The following RTEL1 variants were observed in gnomAD, a reference collection of about 807,000 sequenced individuals.
RTEL1 encodes regulator of telomere length.
RTEL1 carries 86 observed loss-of-function variants against 162.2 expected under a neutral mutation model. The ratio of observed to expected loss-of-function variants is 0.53; its 90% CI spans 0.45 to 0.63. The LOEUF is 0.63. Ranked by LOEUF, RTEL1 falls within the 30% of genes least tolerant of loss-of-function variation. The pLI, the probability that RTEL1 is intolerant of heterozygous loss-of-function variation, is 0.00. For missense variants in RTEL1, 1,941 were observed against 1,750.2 expected (o/e 1.11, Z -1.95); for synonymous variants, 958 against 717.9 (o/e 1.33, Z -5.35).
chr20:63,693,237 C>A lies in RTEL1; in HGVS notation c.2946C>A (p.His982Gln), dbSNP rs769601742. ...TGRGCGYRPE[H>Q]SIPRRQRAQP... ...GAGGCTGTGGCTATCGGCCTGAGCA[C>A]AGCATTCCCCGAAGGCAGCGGGCAC... Residue 982 changes from histidine (H) to glutamine (Q), a missense_variant, in exon 30 of 35, where the codon CAC (histidine) becomes CAA (glutamine). His to Gln is a conservative substitution (Grantham distance 24, BLOSUM62 0). Coordinates refer to ENST00000360203, the MANE Select transcript of RTEL1 (RefSeq NM_001283009.2). 1 of 1,611,930 alleles carries A rather than the reference C, an allele frequency of 6.2e-7. No homozygotes were observed.
rs921362921 is a variant in RTEL1, at chr20:63,681,396, G to A, written c.1191+677G>A. On this transcript the variant is annotated intron_variant, in intron 14 of 34. Coordinates refer to ENST00000360203, the MANE Select transcript of RTEL1 (RefSeq NM_001283009.2). ...GAAGCAGACTCAGAAGTCCCTGACT[G>A]GGGAAGCCAAGGCACAGGTGGCTGT... The A allele has an allele frequency of 3.0e-6, 3 of 985,086 alleles. No homozygotes were observed. The African/African-American group carries it at 5.2e-5, about 17-fold the overall frequency. The allele number at this position is 985,086 out of a possible 1,614,324, so 61.0% of individuals were successfully genotyped here. A position where few individuals can be genotyped will look rare whatever the true frequency, so the allele number is the denominator to read the frequency against.
chr20:63,695,845 C>G lies in RTEL1; in HGVS notation c.3890C>G (p.Pro1297Arg), dbSNP rs778081164. 6.3e-7 allele frequency: 1 copy of G among 1,592,762 alleles called. No homozygotes were observed. The highest frequency in any genetic ancestry group is 8.5e-7 in the Non-Finnish European group (1 of 1,171,380). ...CAGAGCGTCATGCAGGTCTTCTGGC[C>G]AGAGCCCCAGTGAGTGCCCACGGAG... ...RKQSVMQVFW[P>R]EPQ Residue 1297 changes from proline to arginine, a missense_variant, in exon 35 of 35, where the codon CCA becomes CGA. Transcript: ENST00000360203.
Position 63,691,885 on chromosome 20 carries a change from G to C in RTEL1, c.2652+48G>C, listed in dbSNP as rs765101746. On this transcript the variant is annotated intron_variant, in intron 28 of 34. Transcript: ENST00000360203. ...TGTGCCGACCACCATAGACACGCATGGGAACGCAGCCGTGGGTGCCCCCAG... is the reference window on the plus strand; with the variant it reads ...TGTGCCGACCACCATAGACACGCATCGGAACGCAGCCGTGGGTGCCCCCAG... The C allele has an allele frequency of 3.3e-6, 5 of 1,525,276 alleles. No homozygotes were observed. In the South Asian group the frequency reaches 5.6e-5, roughly 17 times the overall value. 94.5% of individuals were successfully genotyped at this position (1,525,276 alleles called of 1,614,324 possible).
At chr20:63,688,962 T>G (rs2090659429) in intron 21 of RTEL1, 93 bp from the exon 22 acceptor site, 16 of 1,148,632 alleles carry the variant, frequency 1.4e-5, no homozygotes, top group Non-Finnish European at 1.8e-5. Context: ...AGGACGATCC[T>G]TCATCTTGGA....
chr20:63,678,743 ACT>A (rs1269770541), intron 12 of RTEL1, among the ~76,000 whole-genome samples: 1 of 104,606 alleles, frequency 9.6e-6, no homozygotes, highest in Non-Finnish European at 1.9e-5. Context: ...AACGGCACAC[ACT>A]CCCACGGAAC....
At chr20:63,659,095 C>T (rs2089967237) in intron 1 of RTEL1, 138 bp from the exon 2 acceptor site, 1 of 329,592 alleles carries the variant, frequency 3.0e-6, no homozygotes, top group South Asian at 4.5e-5. Flanking sequence ...GCATCTTCGC[C>T]CCGCCAGCTC....
intron 19 of RTEL1, 30 bp downstream of exon 19, chr20:63,688,209 C>T (rs373909905): frequency 3.7e-6 from 6 of 1,610,640 alleles, no homozygotes; most frequent in Non-Finnish European, 1.7e-6. Flanking sequence ...CAGCTGTGCC[C>T]ATCCTGGATC....
At position 63,691,057 on chromosome 20, in the gene RTEL1, G is replaced by C. The variant is rs962992699; in HGVS notation, c.2556+110G>C. 1.6e-5 allele frequency: 19 copies of C among 1,204,778 alleles called. No individual in the cohort carries two copies. The South Asian group carries it at 3.1e-4, about 20-fold the overall frequency. The allele number at this position is 1,204,778 out of a possible 1,614,324, so 74.6% of individuals were successfully genotyped here. On this transcript the variant is annotated intron_variant, in intron 27 of 34. Transcript: ENST00000360203. ...CCCCACACACCCCTGTAAATCCCCT[G>C]CCTGGCAGGCAGGCGGGCAAGCGGG...
intron 8 of RTEL1, among the ~76,000 whole-genome samples, chr20:63,671,170 C>T (rs562305741): frequency 2.6e-5 from 4 of 151,774 alleles, no homozygotes; most frequent in African/African-American, 9.6e-5. Context: ...AAACAGTTCT[C>T]CTGCCTCAGC....
chr20:63,678,705 T>TCCCACGGAACAGCACACACA (rs2090418229), intron 12 of RTEL1, among the ~76,000 whole-genome samples: 1 of 31,898 alleles, frequency 3.1e-5, no homozygotes. Context: ...GCACACACAC[T>TCCCACGGAACAGCACACACA]CCCACGGAAC....
At chr20:63,680,999 C>T (rs1255263252) in intron 14 of RTEL1, 1 of 985,308 alleles carries the variant, frequency 1.0e-6, no homozygotes, top group Non-Finnish European at 1.2e-6. Context: ...CGCTCCTGCC[C>T]TGTCCGGGCC....
chr20:63,674,642 G>A (rs528840807), intron 10 of RTEL1, among the ~76,000 whole-genome samples: 10 of 151,940 alleles, frequency 6.6e-5, no homozygotes, highest in African/African-American at 1.7e-4. Context: ...CAGAGCTTCC[G>A]GTGCCCCAGA....
rs1198113946 is a variant in RTEL1 at position 63,689,873 on chromosome 20, C to T, written c.2141+8C>T. On this transcript the variant is annotated splice_region_variant and intron_variant, in intron 24 of 34. Transcript: ENST00000360203. ...CTTCCTCTGTGACCACAGGTGCGTG[C>T]AGTCCGGTGGCAGGCGCGGCGCCAG... The T allele has an allele frequency of 1.9e-6, 3 of 1,604,006 alleles. No individual in the cohort carries two copies. The highest frequency in any genetic ancestry group is 2.5e-6 in the Non-Finnish European group (3 of 1,177,560).
chr20:63,675,128 C>T (rs1040343768), intron 10 of RTEL1, among the ~76,000 whole-genome samples: 2 of 152,162 alleles, frequency 1.3e-5, no homozygotes, highest in African/African-American at 4.8e-5. Context: ...TGGTCTCGAA[C>T]TCCTGACCTC....
In RTEL1 at chr20:63,690,385, C is replaced by G. The variant is rs1236518330; in HGVS notation, c.2357C>G (p.Thr786Ser). 6.2e-7 allele frequency: 1 copy of G among 1,611,520 alleles called. No individual in the cohort carries two copies. Among genetic ancestry groups the G allele is most frequent in the African/African-American group, 1.3e-5 (1 of 75,000 alleles). Residue 786 changes from threonine (T) to serine (S), a missense_variant, in exon 26 of 35, where the codon ACC (threonine) becomes AGC (serine). Thr to Ser is a moderately conservative substitution (Grantham distance 58). Transcript: ENST00000360203. ...AAGTCGCCTGGCCCCTTCTTCTCCA[C>G]CAGGAAAGCTAAGAGTCTGGACCTG... ...EAKSPGPFFS[T>S]RKAKSLDLHV... is the part of the protein sequence containing the mutation.
chr20:63,681,456 C>T (rs758164998), intron 14 of RTEL1: 13 of 985,182 alleles, frequency 1.3e-5, no homozygotes, highest in Admixed American at 1.2e-4. Flanking sequence ...GTGCTGCCCA[C>T]GCTGTACCTG....
Position 63,662,926 on chromosome 20 carries a change from G to A in RTEL1, c.538+37G>A, listed in dbSNP as rs543334637. 34 of 1,592,208 alleles carry A rather than the reference G, an allele frequency of 2.1e-5. No homozygotes were observed. The East Asian group carries it at 6.9e-4, about 32-fold the overall frequency. On this transcript the variant is annotated intron_variant, in intron 6 of 34. Coordinates refer to ENST00000360203, the MANE Select transcript of RTEL1 (RefSeq NM_001283009.2). ...TGGGTGGGACCAGGGTCGGGTTGGA[G>A]TGTGTGCAGCCTCTCAGGGTGGAGC...
At chr20:63,682,969 G>A (rs955256012) in intron 14 of RTEL1, among the ~76,000 whole-genome samples, 2 of 152,138 alleles carry the variant, frequency 1.3e-5, no homozygotes, top group African/African-American at 4.8e-5. Context: ...GGGATTTGTG[G>A]TGGTGTTTTT....
chr20:63,680,847 AT>A (rs987175842), intron 14 of RTEL1, 128 bp downstream of exon 14: 2 of 1,519,398 alleles, frequency 1.3e-6, no homozygotes, highest in African/African-American at 2.7e-5. Context: ...CCTGTTTCTG[AT>A]TGGCAAACTC....
Sources: allele counts gnomAD v4.1 joint callset (sites outside exome capture counted in the v4.1 genomes callset), GRCh38; gene constraint gnomAD v4.1.1; transcripts MANE v1.5; gene names NCBI Gene and HGNC (gene_info 2026-07-23, HGNC 2026-07-21).